The following KIAA1671 variants were observed in gnomAD, a reference collection of about 807,000 sequenced individuals.
The protein encoded by KIAA1671 is uncharacterized protein KIAA1671.
KIAA1671 carries 52 observed loss-of-function variants against 131.2 expected under a neutral mutation model. That is an observed-to-expected ratio of 0.40 (90% CI 0.32 to 0.50). The LOEUF (loss-of-function observed/expected upper bound fraction) is 0.50. Among genes scored for constraint, KIAA1671 ranks in the 20% least tolerant of loss-of-function variants. KIAA1671 has a pLI of 0.73. For missense variants in KIAA1671, 2,360 were observed against 2,364.2 expected, an observed-to-expected ratio of 1.00 and a Z score of 0.04; for synonymous variants, 1,003 against 961.6, an observed-to-expected ratio of 1.04 and a Z score of -0.80.
At chr22:25,069,618 G>C (rs548340862) in intron 6 of KIAA1671, among the ~76,000 whole-genome samples, 73 of 152,316 alleles carry the variant, frequency 4.8e-4, no homozygotes, top group Non-Finnish European at 9.1e-4. Context: ...CAAGTCCCTT[G>C]ACTTCTCTGG....
rs1168211430 is a variant in KIAA1671 at position 25,177,446 on chromosome 22, C to T, written c.4998C>T (p.Ser1666=). The T allele has an allele frequency of 2.6e-6, 4 of 1,551,754 alleles. No individual in the cohort carries two copies. Among genetic ancestry groups the T allele is most frequent in the Non-Finnish European group, 3.5e-6 (4 of 1,147,004 alleles). The change falls in exon 9 of 13, where the codon AGC becomes AGT. Residue 1666 remains serine (S), a synonymous_variant. Coordinates refer to ENST00000358431, the MANE Select transcript of KIAA1671 (RefSeq NM_001145206.2). ...RAPISHSLRR[S]RFSESESRSP... is the part of the protein sequence containing the mutation. ...CCATCTCCCACTCCCTCCGGCGCAG[C>T]CGATTTAGTGAGTCCGAGAGCAGAT...
chr22:25,127,425 T>C (rs766567418), intron 6 of KIAA1671, among the ~76,000 whole-genome samples: 3 of 152,128 alleles, frequency 2.0e-5, no homozygotes, highest in Non-Finnish European at 2.9e-5. Context: ...ACCCCCAGCC[T>C]CGAGTGTTTT....
chr22:25,099,574 A>G (rs1161838716), intron 6 of KIAA1671, among the ~76,000 whole-genome samples: 2 of 108,088 alleles, frequency 1.9e-5, no homozygotes, highest in South Asian at 3.3e-4. Flanking sequence ...TTTTTTTTTT[A>G]GATAGAGTCT....
At chr22:25,053,933 A>C (rs1389405623) in intron 6 of KIAA1671, 1 of 152,094 alleles carries the variant, frequency 6.6e-6, no homozygotes, top group East Asian at 1.9e-4. Flanking sequence ...TCACGCCTAT[A>C]ATTCCAGCAG....
At chr22:25,178,594 A>C (rs557998038) in intron 9 of KIAA1671, among the ~76,000 whole-genome samples, 1 of 152,250 alleles carries the variant, frequency 6.6e-6, no homozygotes, top group East Asian at 1.9e-4. Context: ...GGGACTGTCC[A>C]TGCTGCCCAC....
Position 25,039,545 on chromosome 22 carries a change from G to A in KIAA1671, c.2415G>A (p.Met805Ile). The A allele has an allele frequency of 2.6e-6, 4 of 1,551,840 alleles. No individual in the cohort carries two copies. The highest frequency in any genetic ancestry group is 2.4e-5 in the South Asian group (2 of 84,070). The part of the protein sequence containing the change: ...RASLIWEARG[M>I]PEASGPKFGG... ...GTTTGATTTGGGAAGCTCGAGGCAT[G>A]CCTGAGGCTAGTGGACCGAAGTTTG... The change falls in exon 5 of 13, where the codon ATG becomes ATA. Residue 805 changes from methionine (M) to isoleucine (I), a missense_variant. By Grantham distance (10) the Met-to-Ile change is conservative. Transcript: ENST00000358431.
chr22:25,037,877 T>C (rs956464572), intron 4 of KIAA1671, among the ~76,000 whole-genome samples: 12 of 152,266 alleles, frequency 7.9e-5, no homozygotes, highest in African/African-American at 2.6e-4. Flanking sequence ...ACTCACTCTG[T>C]CACCCAGGCT....
chr22:25,093,824 TTCTCTCTCTGTCTGTC>T lies in KIAA1671; in HGVS notation c.4530+44470_4530+44485del, dbSNP rs1568951530. Among the ~76,000 whole-genome samples the T allele has an allele frequency of 4.7e-3, 103 of 21,930 alleles. 17 individuals are homozygous for T. Among genetic ancestry groups the T allele is most frequent in the East Asian group, 0.019 (20 of 1,040 alleles). The allele number at this position is 21,930 out of a possible 152,430, so 14.4% of individuals were successfully genotyped here. Reference sequence around the variant, plus strand: ...TCTCTCTCTCTCTGTCTCTCTCTCTTTCTCTCTCTGTCTGTCTCTCTCTCTCTCTCTCTCTCTCTCT... The same window carrying T: ...TCTCTCTCTCTCTGTCTCTCTCTCTTTCTCTCTCTCTCTCTCTCTCTCTCT... On this transcript the variant is annotated intron_variant, in intron 6 of 12. Coordinates refer to ENST00000358431, the MANE Select transcript of KIAA1671 (RefSeq NM_001145206.2).
chr22:24,986,358 G>A (rs1478765488), intron 1 of KIAA1671, among the ~76,000 whole-genome samples: 1 of 152,074 alleles, frequency 6.6e-6, no homozygotes, highest in East Asian at 1.9e-4. Flanking sequence ...AAATGGTGTA[G>A]TATTTGCATG....
chr22:25,098,301 C>T (rs965136094), intron 6 of KIAA1671, among the ~76,000 whole-genome samples: 1 of 152,138 alleles, frequency 6.6e-6, no homozygotes, highest in African/African-American at 2.4e-5. Flanking sequence ...CCCTCCCCTC[C>T]TCTCTCTCCC....
chr22:24,976,319 C>T (rs1922909626), intron 1 of KIAA1671, among the ~76,000 whole-genome samples: 1 of 152,256 alleles, frequency 6.6e-6, no homozygotes, highest in Non-Finnish European at 1.5e-5. Flanking sequence ...AGAGAGGGAA[C>T]AAAAGGCTTA....
At chr22:25,119,538 C>A (rs895988825) in intron 6 of KIAA1671, among the ~76,000 whole-genome samples, 4 of 152,174 alleles carry the variant, frequency 2.6e-5, no homozygotes, top group Non-Finnish European at 4.4e-5. Flanking sequence ...CCTCATGGGA[C>A]TCATAGGAGC....
At chr22:25,182,936 G>T (rs1934341740) in intron 10 of KIAA1671, among the ~76,000 whole-genome samples, 1 of 152,192 alleles carries the variant, frequency 6.6e-6, no homozygotes, top group African/African-American at 2.4e-5. Flanking sequence ...GCACCAGAAT[G>T]CCAACTGTAT....
chr22:25,043,918 C>T (rs1236358580), intron 5 of KIAA1671, among the ~76,000 whole-genome samples: 2 of 152,136 alleles, frequency 1.3e-5, no homozygotes, highest in Non-Finnish European at 2.9e-5. Flanking sequence ...CAAAACCTTT[C>T]ACCTCCCTGC....
chr22:25,066,330 A>G (rs1440200931), intron 6 of KIAA1671, among the ~76,000 whole-genome samples: 3 of 151,986 alleles, frequency 2.0e-5, no homozygotes, highest in African/African-American at 4.8e-5. Context: ...TCCATTTTTT[A>G]TAGACACAGG....
chr22:24,979,644 CG>C (rs910853850), intron 1 of KIAA1671, among the ~76,000 whole-genome samples: 3 of 152,110 alleles, frequency 2.0e-5, no homozygotes, highest in Non-Finnish European at 4.4e-5. Context: ...CCACCGCGCC[CG>C]GCCAATAATT....
At chr22:25,048,591 A>G (rs1327146055) in intron 5 of KIAA1671, among the ~76,000 whole-genome samples, 3 of 152,134 alleles carry the variant, frequency 2.0e-5, no homozygotes, top group Non-Finnish European at 1.5e-5. Context: ...TGTGAAGCAT[A>G]TAAAATATGC....
chr22:24,955,683 G>A (rs1022090275), intron 1 of KIAA1671, among the ~76,000 whole-genome samples: 21 of 152,146 alleles, frequency 1.4e-4, no homozygotes, highest in Admixed American at 3.3e-4. Context: ...CTGGATGATC[G>A]GAGGGTCATG....
At chr22:25,029,678 C>G in intron 3 of KIAA1671, 138 bp downstream of exon 3, 1 of 676,354 alleles carries the variant, frequency 1.5e-6, no homozygotes, top group South Asian at 2.1e-5. Flanking sequence ...TGGCAGTGTC[C>G]ATTTCTCAGA....
Sources: gnomAD v4.1 joint callset for allele counts (sites outside exome capture counted in the v4.1 genomes callset) on GRCh38, gnomAD v4.1.1 for gene constraint, MANE v1.5 for transcripts, NCBI Gene and HGNC (gene_info 2026-07-23, HGNC 2026-07-21) for gene names.